The following MDM1 variants were observed in gnomAD, a reference collection of about 807,000 sequenced individuals.
MDM1 encodes stabilizer of axonemal microtubules 6, also known as Mdm1 nuclear protein.
In MDM1, 61 loss-of-function variants were observed where a neutral mutation model predicts 89.1. The observed-to-expected ratio is 0.68, with a 90% CI of 0.56 to 0.85. MDM1 has a LOEUF of 0.85. MDM1 is among the 40% of genes least tolerant of loss of function. The pLI, the probability that MDM1 is intolerant of heterozygous loss-of-function variation, is 0.00. For missense variants in MDM1, 820 were observed against 846.5 expected, an observed-to-expected ratio of 0.97 and a Z score of 0.39; for synonymous variants, 290 against 294.1, an observed-to-expected ratio of 0.99 and a Z score of 0.14.
intron 13 of MDM1, among the ~76,000 whole-genome samples, chr12:68,297,788 GAT>G: frequency 6.6e-6 from 1 of 152,202 alleles, no homozygotes; most frequent in Non-Finnish European, 1.5e-5. Flanking sequence ...TCTTCAAAGA[GAT>G]AAAACATTCC....
chr12:68,304,955 G>A (rs746446687), intron 12 of MDM1, among the ~76,000 whole-genome samples: 69 of 152,300 alleles, frequency 4.5e-4, no homozygotes, highest in Admixed American at 2.3e-3. Context: ...TTGATGTGCT[G>A]CTGGATTCAG....
Position 68,295,136 on chromosome 12 carries a change from A to ATTG in MDM1, c.*117_*118insCAA. On this transcript the variant is annotated 3_prime_UTR_variant, in exon 15 of 15. Transcript: ENST00000682720. The stretch of plus-strand genomic sequence containing the variant: ...TTCCAAGTAAACTGTTCTATTGGAA[A>ATTG]TTAAATATTTCAAAGTAGAAAACGT... 1.6e-6 allele frequency: 1 copy of ATTG among 617,204 alleles called. No homozygotes were observed. The highest frequency in any genetic ancestry group is 2.9e-6 in the Non-Finnish European group (1 of 347,264). 38.2% of individuals were successfully genotyped at this position (617,204 alleles called of 1,614,324 possible).
intron 12 of MDM1, among the ~76,000 whole-genome samples, chr12:68,305,127 G>A (rs912984001): frequency 2.0e-5 from 3 of 151,930 alleles, no homozygotes; most frequent in African/African-American, 7.3e-5. Context: ...TGATTTTGGG[G>A]AATAGTTTTA....
Position 68,315,248 on chromosome 12 carries a change from T to G in MDM1, c.1229A>C (p.Lys410Thr), listed in dbSNP as rs1874324262. ...LDLAGDPTSH[K>T]TLQKCPSTEP... The stretch of plus-strand genomic sequence containing the variant: ...TGTAGAAGGACATTTCTGCAAAGTC[T>G]TATGGCTTGTAGGATCTCTGCGTAA... Residue 410 changes from lysine (K) to threonine (T), a missense_variant, in exon 10 of 15, where the codon AAG becomes ACG. Coordinates refer to ENST00000682720, the MANE Select transcript of MDM1 (RefSeq NM_001354969.2). 1.2e-6 allele frequency: 2 copies of G among 1,613,560 alleles called. No individual in the cohort carries two copies. Among genetic ancestry groups the G allele is most frequent in the Non-Finnish European group, 1.7e-6 (2 of 1,179,638 alleles).
chr12:68,329,196 G>A (rs1446174738), intron 2 of MDM1, among the ~76,000 whole-genome samples: 1 of 152,198 alleles, frequency 6.6e-6, no homozygotes, highest in African/African-American at 2.4e-5. Flanking sequence ...AGGATTATGA[G>A]CAGAGGGATT....
intron 12 of MDM1, among the ~76,000 whole-genome samples, chr12:68,308,796 C>T (rs78852095): frequency 6.6e-6 from 1 of 152,310 alleles, no homozygotes; most frequent in African/African-American, 2.4e-5. Context: ...AAAGAGGCTC[C>T]TTGTCCAGAG....
intron 7 of MDM1, among the ~76,000 whole-genome samples, chr12:68,317,690 T>C (rs1874681238): frequency 6.6e-6 from 1 of 152,186 alleles, no homozygotes. Flanking sequence ...TCAACTCCTA[T>C]ACCTTTAAAG....
intron 12 of MDM1, among the ~76,000 whole-genome samples, chr12:68,303,251 C>T (rs1346682639): frequency 3.3e-5 from 5 of 152,030 alleles, no homozygotes; most frequent in Non-Finnish European, 5.9e-5. Context: ...AAACAGCAAA[C>T]GTATTCTTCC....
In MDM1 at chr12:68,326,740, C is replaced by T. The variant is rs751761133; in HGVS notation, c.415G>A (p.Gly139Ser). The T allele has an allele frequency of 3.7e-6, 6 of 1,614,046 alleles. No individual in the cohort carries two copies. The Admixed American group carries it at 5.0e-5, about 13-fold the overall frequency. The change falls in exon 3 of 15, where the codon GGT becomes AGT. Residue 139 changes from glycine (G) to serine (S), a missense_variant. By Grantham distance (56) the Gly-to-Ser change is moderately conservative (BLOSUM62 0). Coordinates refer to ENST00000682720, the MANE Select transcript of MDM1 (RefSeq NM_001354969.2). ...EGASDVENNE[G>S]VTNHTPVNEN... Reference sequence around the variant, plus strand: ...TTAACTGGTGTATGGTTTGTTACACCCTCATTATTTTCCACATCTGAAGCC... The same window carrying T: ...TTAACTGGTGTATGGTTTGTTACACTCTCATTATTTTCCACATCTGAAGCC...
intron 5 of MDM1, among the ~76,000 whole-genome samples, chr12:68,322,266 T>C (rs1370819022): frequency 2.0e-5 from 3 of 152,196 alleles, no homozygotes; most frequent in East Asian, 1.9e-4. Flanking sequence ...ACAGAAGCAG[T>C]TGTTTGTATA....
At position 68,321,571 on chromosome 12, in the gene MDM1, G is replaced by GT. The variant is rs1468966270; in HGVS notation, c.858dup (p.His287ThrfsTer4). ...GGAGTAAGCTTCCTTTTAGGCTGGT[G>GT]TAAGTCTTTTAATTCCATCTCTGCT... On this transcript the variant is annotated frameshift_variant, in exon 6 of 15. Coordinates refer to ENST00000682720, the MANE Select transcript of MDM1 (RefSeq NM_001354969.2). LOFTEE classifies it high-confidence loss of function. The GT allele has an allele frequency of 5.0e-6, 8 of 1,613,212 alleles. No homozygotes were observed. Among genetic ancestry groups the GT allele is most frequent in the Non-Finnish European group, 6.8e-6 (8 of 1,179,760 alleles).
Position 68,326,255 on chromosome 12 carries a change from T to C in MDM1, c.498+402A>G. On this transcript the variant is annotated intron_variant, in intron 3 of 14. Coordinates refer to ENST00000682720, the MANE Select transcript of MDM1 (RefSeq NM_001354969.2). ...TTCCTTTTGCATTTCATCAATTGAA[T>C]TTCTGTTTGTCTTCTTGTACACGAT... 6 of 1,166,472 alleles carry C rather than the reference T, an allele frequency of 5.1e-6. No homozygotes were observed. The South Asian group carries it at 1.6e-4, about 30-fold the overall frequency. 72.3% of individuals were successfully genotyped at this position (1,166,472 alleles called of 1,614,324 possible).
At chr12:68,328,416 C>T (rs537428453) in intron 2 of MDM1, among the ~76,000 whole-genome samples, 1 of 152,206 alleles carries the variant, frequency 6.6e-6, no homozygotes, top group East Asian at 1.9e-4. Context: ...CCAATGAATA[C>T]TGACTTTGCC....
chr12:68,331,172 G>A lies in MDM1; in HGVS notation c.68C>T (p.Ser23Phe). Residue 23 changes from serine (S) to phenylalanine (F), a missense_variant, in exon 2 of 15, where the codon TCC (serine) becomes TTC (phenylalanine). By Grantham distance (155) the Ser-to-Phe change is radical. Transcript: ENST00000682720. Reference protein sequence around the residue: ...RNFLWKKSYLSESCNSSVGRK... With the variant: ...RNFLWKKSYLFESCNSSVGRK... ...CCCCACGGAGGAATTACAAGACTCG[G>A]ACAAATAAGACTTTTTCCACAGGAA... 1.2e-6 allele frequency: 2 copies of A among 1,611,580 alleles called. No homozygotes were observed. Among genetic ancestry groups the A allele is most frequent in the Non-Finnish European group, 1.7e-6 (2 of 1,177,666 alleles).
intron 14 of MDM1, among the ~76,000 whole-genome samples, chr12:68,296,637 C>G (rs567000909): frequency 3.3e-5 from 5 of 152,254 alleles, no homozygotes; most frequent in South Asian, 2.1e-4. Flanking sequence ...AATTCCTGAG[C>G]CCCCAGCTAG....
chr12:68,316,686 A>C, intron 7 of MDM1, 76 bp from the exon 8 acceptor site: 1 of 1,120,816 alleles, frequency 8.9e-7, no homozygotes, highest in African/African-American at 1.6e-5. Context: ...TCAATGAAAC[A>C]CATTATTCTC....
chr12:68,303,675 C>T (rs1012999777), intron 12 of MDM1, among the ~76,000 whole-genome samples: 2 of 152,002 alleles, frequency 1.3e-5, no homozygotes, highest in Non-Finnish European at 1.5e-5. Flanking sequence ...TTGCACGTCG[C>T]CATAAAAATA....
intron 12 of MDM1, among the ~76,000 whole-genome samples, chr12:68,303,335 A>T (rs1317326312): frequency 1.3e-5 from 2 of 152,234 alleles, no homozygotes; most frequent in Non-Finnish European, 2.9e-5. Flanking sequence ...TTCAAAAATT[A>T]ATTTTTAAAA....
In MDM1 at chr12:68,332,310, G is replaced by A; in HGVS notation, c.-65C>T. 3 of 1,511,572 alleles carry A rather than the reference G, an allele frequency of 2.0e-6. No homozygotes were observed. The highest frequency in any genetic ancestry group is 1.3e-5 in the South Asian group (1 of 78,194). 93.6% of individuals were successfully genotyped at this position (1,511,572 alleles called of 1,614,324 possible). On this transcript the variant is annotated 5_prime_UTR_variant, in exon 1 of 15. Transcript: ENST00000682720. ...CTGGAGAAAAAGCTCCGAGGGGGCG[G>A]GGCGATAACAGTGTTCCCTAGCAAA...
Sources: gnomAD v4.1 joint callset for allele counts (sites outside exome capture counted in the v4.1 genomes callset) on GRCh38, gnomAD v4.1.1 for gene constraint, MANE v1.5 for transcripts, NCBI Gene and HGNC (gene_info 2026-07-23, HGNC 2026-07-21) for gene names.